The following ZHX2 variants were observed in gnomAD, a reference collection of about 807,000 sequenced individuals.
ZHX2 encodes the protein zinc fingers and homeoboxes 2, also known as zinc fingers and homeoboxes protein 2.
Under a neutral mutation model 21.9 loss-of-function variants are expected in ZHX2, and 6 were observed. The observed-to-expected ratio is 0.27, with a 90% CI of 0.15 to 0.54. The LOEUF is 0.54. Ranked by LOEUF, ZHX2 falls within the 20% of genes least tolerant of loss-of-function variation. The pLI is 0.95. For synonymous variants in ZHX2, 434 were observed against 437.1 expected (o/e 0.99, Z 0.09); for missense variants, 908 against 1,090.7 (o/e 0.83, Z 2.36).
rs573239281 is a variant in ZHX2 at position 122,876,850 on chromosome 8, T to C, written c.-220+13311T>C. Among the ~76,000 whole-genome samples, 65 of 152,302 alleles carry C rather than the reference T, an allele frequency of 4.3e-4. No individual in the cohort carries two copies. The South Asian group carries it at 9.5e-3, about 22-fold the overall frequency. On this transcript the variant is annotated intron_variant, in intron 2 of 3. Transcript: ENST00000314393. ...CCCATCTTTCCTCTGCAAGGAGCCA[T>C]CTGTCCCACCCAGTCAATTCAGCAA...
Position 122,828,510 on chromosome 8 carries a change from G to C in ZHX2, c.-282-34967G>C, listed in dbSNP as rs558374338. ...ACAGGGAGAGCTGCGGCCCACGAAT[G>C]CATCTACCAGTGTGCAGCTAAACCC... On this transcript the variant is annotated intron_variant, in intron 1 of 3. Transcript: ENST00000314393. The surrounding 1 kb of genome is among the most constrained non-coding windows in gnomAD (Gnocchi z 5.2). Among the ~76,000 whole-genome samples, 21 of 152,336 alleles carry C rather than the reference G, an allele frequency of 1.4e-4. No individual in the cohort carries two copies. Among genetic ancestry groups the C allele is most frequent in the Admixed American group, 1.1e-3 (17 of 15,304 alleles).
At chr8:122,830,272 G>C (rs115574935) in intron 1 of ZHX2, among the ~76,000 whole-genome samples, 3,439 of 152,288 alleles carry the variant, frequency 0.023, 117 homozygotes, top group African/African-American at 0.079. Context: ...CAGATGGCCT[G>C]TTTCTTGATC....
intron 3 of ZHX2, among the ~76,000 whole-genome samples, chr8:122,972,780 C>G (rs554191869): frequency 6.6e-6 from 1 of 152,266 alleles, no homozygotes; most frequent in African/African-American, 2.4e-5. Flanking sequence ...CCCTGTTATA[C>G]AGAAGCAAAA....
intron 1 of ZHX2, among the ~76,000 whole-genome samples, chr8:122,843,959 T>TCACACACACACACACACACACACACA (rs3221811): frequency 1.3e-5 from 2 of 148,820 alleles, no homozygotes; most frequent in African/African-American, 5.0e-5. Context: ...TTCTCACCCT[T>TCACACACACACACACACACACACACA]CACACACACA....
intron 1 of ZHX2, among the ~76,000 whole-genome samples, chr8:122,789,634 T>C (rs1399038212): frequency 1.3e-5 from 2 of 152,102 alleles, no homozygotes; most frequent in Admixed American, 6.5e-5. Context: ...TTTGCTTTTG[T>C]GTAGGGGAGG....
intron 3 of ZHX2, among the ~76,000 whole-genome samples, chr8:122,957,401 G>A (rs982895843): frequency 6.6e-6 from 1 of 151,462 alleles, no homozygotes; most frequent in Non-Finnish European, 1.5e-5. Context: ...GCTAAGATCT[G>A]TTCCACGTGT....
chr8:122,781,381 C>G (rs1262341641), upstream of ZHX2: 2 of 152,280 alleles, frequency 1.3e-5, no homozygotes, highest in African/African-American at 2.4e-5. The surrounding 1 kb of genome is among the most constrained non-coding windows in gnomAD (Gnocchi z 4.6). Context: ...ATTCAATGAT[C>G]TCGCTCGCGC....
chr8:122,956,471 A>C (rs577079005), intron 3 of ZHX2, among the ~76,000 whole-genome samples: 3 of 152,148 alleles, frequency 2.0e-5, no homozygotes, highest in Non-Finnish European at 4.4e-5. Context: ...GTAGGGGGTT[A>C]GGGAGCTTCT....
chr8:122,915,688 A>C (rs1249438296), intron 2 of ZHX2, among the ~76,000 whole-genome samples: 1 of 152,176 alleles, frequency 6.6e-6, no homozygotes, highest in African/African-American at 2.4e-5. Flanking sequence ...TTCTCAGGAG[A>C]GCAAGAAAAA....
At chr8:122,933,823 G>T (rs1036083519) in intron 2 of ZHX2, among the ~76,000 whole-genome samples, 1 of 152,112 alleles carries the variant, frequency 6.6e-6, no homozygotes, top group Non-Finnish European at 1.5e-5. Context: ...CTCCTCAAAT[G>T]GATCAAATTA....
In ZHX2 at chr8:122,953,710, C is replaced by T. The variant is rs769491055; in HGVS notation, c.2200C>T (p.Pro734Ser). 6.2e-7 allele frequency: 1 copy of T among 1,614,166 alleles called. No individual in the cohort carries two copies. The highest frequency in any genetic ancestry group is 1.1e-5 in the South Asian group (1 of 91,076). ...TGTGGTTCCACAATATTACAAGGAC[C>T]CCAAAAAGCTCTGCGAAGAGGACTT... ...GDVVPQYYKD[P>S]KKLCEEDLEK... Residue 734 changes from proline to serine, a missense_variant, in exon 3 of 4, where the codon CCC becomes TCC. Pro to Ser is a moderately conservative substitution (Grantham distance 74). Transcript: ENST00000314393. The surrounding 1 kb of genome is among the most constrained non-coding windows in gnomAD (Gnocchi z 4.6).
rs926637360 is a variant in ZHX2 at position 122,781,990 on chromosome 8, C to G, written c.-283+44C>G. The stretch of plus-strand genomic sequence containing the variant: ...GCGCGGAGCCCCCCAGCCGGCGCCG[C>G]CGGCCCCAAACCCCGCACGCCGGGC... On this transcript the variant is annotated intron_variant, in intron 1 of 3. Transcript: ENST00000314393. This position sits in a 1 kb window ranked among gnomAD's most constrained non-coding sequence, Gnocchi z 4.6. The G allele has an allele frequency of 6.6e-6, 1 of 152,310 alleles. No individual in the cohort carries two copies. Among genetic ancestry groups the G allele is most frequent in the Non-Finnish European group, 1.5e-5 (1 of 68,166 alleles). 9.4% of individuals were successfully genotyped at this position (152,310 alleles called of 1,614,324 possible).
chr8:122,862,667 C>T (rs1018841412), intron 1 of ZHX2, among the ~76,000 whole-genome samples: 1 of 152,226 alleles, frequency 6.6e-6, no homozygotes, highest in Non-Finnish European at 1.5e-5. Context: ...CCAAAAGGTT[C>T]TCCTTTGAAA....
chr8:122,966,059 C>T (rs1184735021), intron 3 of ZHX2, among the ~76,000 whole-genome samples: 2 of 152,142 alleles, frequency 1.3e-5, no homozygotes, highest in East Asian at 3.9e-4. Context: ...TTAGGTGAGT[C>T]TCTTGAAGAC....
chr8:122,941,131 C>T (rs1159016271), intron 2 of ZHX2, among the ~76,000 whole-genome samples: 1 of 151,886 alleles, frequency 6.6e-6, no homozygotes, highest in African/African-American at 2.4e-5. Context: ...CCTGTAGTCC[C>T]AGCTACTCAG....
chr8:122,915,028 C>T (rs118100337), intron 2 of ZHX2, among the ~76,000 whole-genome samples: 1 of 152,254 alleles, frequency 6.6e-6, no homozygotes, highest in Non-Finnish European at 1.5e-5. Flanking sequence ...CTCCTGGTGA[C>T]TTTCAGCAGC....
intron 1 of ZHX2, among the ~76,000 whole-genome samples, chr8:122,820,876 G>C (rs1347071784): frequency 6.6e-6 from 1 of 152,192 alleles, no homozygotes; most frequent in Non-Finnish European, 1.5e-5. Context: ...CAACGGCCAG[G>C]TGCCCACACA....
In ZHX2 at chr8:122,970,788, G is replaced by A. The variant is rs1813700864; in HGVS notation, c.*5-2454G>A. On this transcript the variant is annotated intron_variant, in intron 3 of 3. Transcript: ENST00000314393. ...AAAGCACCGGCAGAGGCTGGCCGTG[G>A]GCTACTGTGCCAACCCAGGGAGTGC... Among the ~76,000 whole-genome samples, 4 of 152,206 alleles carry A rather than the reference G, an allele frequency of 2.6e-5. No individual in the cohort carries two copies. The South Asian group carries it at 8.3e-4, about 31-fold the overall frequency.
intron 1 of ZHX2, among the ~76,000 whole-genome samples, chr8:122,803,955 G>A (rs778668624): frequency 2.0e-5 from 3 of 152,122 alleles, no homozygotes; most frequent in Admixed American, 6.6e-5. Flanking sequence ...GGGCCAGGGC[G>A]GGCTTTGATC....
Sources: gnomAD v4.1 joint callset for allele counts (sites outside exome capture counted in the v4.1 genomes callset) on GRCh38, gnomAD v4.1.1 for gene constraint, Gnocchi (gnomAD v3.1) non-coding constraint, MANE v1.5 for transcripts, NCBI Gene and HGNC (gene_info 2026-07-23, HGNC 2026-07-21) for gene names.